The following NRG3 variants were observed in gnomAD, a reference collection of about 807,000 sequenced individuals.
NRG3 encodes the protein neuregulin 3, also known as pro-neuregulin-3, membrane-bound isoform.
A neutral mutation model predicts 66.9 loss-of-function variants in NRG3; 31 were observed. The observed-to-expected ratio is 0.46, with a 90% CI of 0.35 to 0.63. The LOEUF (loss-of-function observed/expected upper bound fraction) is 0.63. Ranked by LOEUF, NRG3 falls within the 20% of genes least tolerant of loss-of-function variation. NRG3 has a pLI of 0.00. For missense variants in NRG3, 910 were observed against 878.9 expected (o/e 1.04, Z -0.45); for synonymous variants, 393 against 359.4 (o/e 1.09, Z -1.06).
chr10:82,611,450 G>A (rs905591518), intron 2 of NRG3, among the ~76,000 whole-genome samples: 7 of 151,920 alleles, frequency 4.6e-5, no homozygotes, highest in African/African-American at 4.8e-5. Flanking sequence ...CCTGGTGTGT[G>A]ATGTTCCCCA....
intron 2 of NRG3, among the ~76,000 whole-genome samples, chr10:82,574,175 T>C (rs1449558658): frequency 6.6e-6 from 1 of 151,810 alleles, no homozygotes; most frequent in East Asian, 1.9e-4. Flanking sequence ...AAATGTGGTC[T>C]TATTACACAA....
chr10:82,905,598 AGT>A (rs1212605923), intron 4 of NRG3, among the ~76,000 whole-genome samples: 1 of 152,162 alleles, frequency 6.6e-6, no homozygotes, highest in Non-Finnish European at 1.5e-5. Flanking sequence ...TCTTGGGGAA[AGT>A]GTGCTTCCTT....
At chr10:82,465,340 G>A (rs1023532805) in intron 2 of NRG3, among the ~76,000 whole-genome samples, 2 of 152,176 alleles carry the variant, frequency 1.3e-5, no homozygotes, top group Non-Finnish European at 2.9e-5. Context: ...TTGTCTAAAC[G>A]AAGAATTCCA....
intron 2 of NRG3, among the ~76,000 whole-genome samples, chr10:82,426,162 G>T (rs1442298989): frequency 1.3e-5 from 2 of 152,106 alleles, no homozygotes; most frequent in Non-Finnish European, 2.9e-5. Flanking sequence ...AGCACTCTGG[G>T]TATATTTCAA....
chr10:82,269,509 A>G (rs770107341), intron 1 of NRG3, among the ~76,000 whole-genome samples: 3 of 151,984 alleles, frequency 2.0e-5, no homozygotes, highest in Non-Finnish European at 4.4e-5. Context: ...GTCACTCAGT[A>G]CTCACTGATC....
chr10:82,458,141 C>T (rs577135417), intron 2 of NRG3, among the ~76,000 whole-genome samples: 5 of 152,152 alleles, frequency 3.3e-5, no homozygotes, highest in Admixed American at 6.5e-5. Context: ...TCCAGACAGG[C>T]TCTTCACAAA....
At chr10:82,366,583 A>C (rs147887660) in intron 2 of NRG3, among the ~76,000 whole-genome samples, 6 of 152,004 alleles carry the variant, frequency 3.9e-5, no homozygotes, top group African/African-American at 1.5e-4. Context: ...TTCCTACTTA[A>C]TCAGCGTAAC....
intron 1 of NRG3, among the ~76,000 whole-genome samples, chr10:82,242,096 A>C (rs1185222249): frequency 2.0e-5 from 3 of 152,154 alleles, no homozygotes; most frequent in Non-Finnish European, 4.4e-5. Context: ...ATAGTGAATG[A>C]TATTCTTTTA....
chr10:82,337,233 A>ATTTG, intron 1 of NRG3, among the ~76,000 whole-genome samples: 1 of 152,310 alleles, frequency 6.6e-6, no homozygotes, highest in African/African-American at 2.4e-5. Context: ...CCTATTCTGG[A>ATTTG]CATTTCCTAT....
intron 2 of NRG3, among the ~76,000 whole-genome samples, chr10:82,548,523 TCACACA>T (rs59459683): frequency 0.038 from 5,271 of 139,520 alleles, 202 homozygotes; most frequent in African/African-American, 0.086. Context: ...ATTCTGTCTC[TCACACA>T]CACACACACA....
intron 3 of NRG3, among the ~76,000 whole-genome samples, chr10:82,835,173 G>GCTCT (rs2062712167): frequency 1.3e-5 from 2 of 152,218 alleles, no homozygotes; most frequent in South Asian, 4.1e-4. Flanking sequence ...TCAGAGCAAA[G>GCTCT]TATGGTCCTG....
chr10:82,205,677 G>T, intron 1 of NRG3, among the ~76,000 whole-genome samples: 1 of 152,136 alleles, frequency 6.6e-6, no homozygotes, highest in East Asian at 1.9e-4. Flanking sequence ...AGATGTCATT[G>T]AAGGCTGTAC....
intron 2 of NRG3, among the ~76,000 whole-genome samples, chr10:82,732,880 T>C (rs979265802): frequency 6.6e-5 from 10 of 152,174 alleles, no homozygotes; most frequent in African/African-American, 2.4e-4. Flanking sequence ...CTGAGGAGAA[T>C]TGGCAGAAGA....
intron 3 of NRG3, among the ~76,000 whole-genome samples, chr10:82,788,456 G>C (rs1423764541): frequency 1.3e-5 from 2 of 152,136 alleles, no homozygotes; most frequent in Admixed American, 1.3e-4. Context: ...CGTAGTCCCA[G>C]CTACTCGGGA....
chr10:81,900,471 A>G (rs564970879), intron 1 of NRG3, among the ~76,000 whole-genome samples: 2 of 152,362 alleles, frequency 1.3e-5, no homozygotes, highest in South Asian at 4.1e-4. Context: ...GTGAATTACA[A>G]GTTTGCAGAA....
chr10:81,920,561 A>T (rs948268731), intron 1 of NRG3, among the ~76,000 whole-genome samples: 1 of 152,194 alleles, frequency 6.6e-6, no homozygotes, highest in East Asian at 1.9e-4. Flanking sequence ...TTCTTCCCAA[A>T]TAGCATATGG....
intron 1 of NRG3, among the ~76,000 whole-genome samples, chr10:81,924,810 TAC>T (rs532155796): frequency 1.1e-3 from 163 of 152,302 alleles, no homozygotes; most frequent in African/African-American, 3.8e-3. Flanking sequence ...TAACAATGTG[TAC>T]AGTTACTGTT....
intron 2 of NRG3, among the ~76,000 whole-genome samples, chr10:82,477,382 G>T (rs756390409): frequency 2.0e-5 from 3 of 152,116 alleles, no homozygotes; most frequent in Non-Finnish European, 4.4e-5. Flanking sequence ...TGCCAACATA[G>T]ACCACTAAGG....
At chr10:82,872,613 G>A (rs1406113321) in intron 4 of NRG3, among the ~76,000 whole-genome samples, 1 of 151,944 alleles carries the variant, frequency 6.6e-6, no homozygotes, top group Non-Finnish European at 1.5e-5. Context: ...TGTTGGATAT[G>A]CAGATATATA....
Sources: allele counts gnomAD v4.1 joint callset (sites outside exome capture counted in the v4.1 genomes callset), GRCh38; gene constraint gnomAD v4.1.1; transcripts MANE v1.5; gene names NCBI Gene and HGNC (gene_info 2026-07-23, HGNC 2026-07-21).